Variants in CDH11 observed in about 807,000 individuals in gnomAD.
CDH11 encodes cadherin-11.
A neutral mutation model predicts 67.8 loss-of-function variants in CDH11; 11 were observed. The observed-to-expected ratio is 0.16, with a 90% CI of 0.10 to 0.27. The LOEUF is 0.27. Among genes scored for constraint, CDH11 ranks in the 10% least tolerant of loss-of-function variants. The pLI, the probability that CDH11 is intolerant of heterozygous loss-of-function variation, is 1.00. For synonymous variants in CDH11, 419 were observed against 400.0 expected, an observed-to-expected ratio of 1.05 and a Z score of -0.57; for missense variants, 847 against 1,031.2, an observed-to-expected ratio of 0.82 and a Z score of 2.45.
intron 4 of CDH11, among the ~76,000 whole-genome samples, chr16:64,997,856 T>C (rs1297069816): frequency 6.6e-6 from 1 of 152,202 alleles, no homozygotes; most frequent in Non-Finnish European, 1.5e-5. Flanking sequence ...TAAAACTCTT[T>C]TAAGCAGACT....
intron 1 of CDH11, among the ~76,000 whole-genome samples, chr16:65,099,599 T>G (rs1035684030): frequency 1.3e-5 from 2 of 152,210 alleles, no homozygotes; most frequent in Admixed American, 6.5e-5. Context: ...TCTTTGTTAC[T>G]GTCACCTAGG....
At chr16:65,043,023 A>G (rs1404943826) in intron 2 of CDH11, among the ~76,000 whole-genome samples, 1 of 152,208 alleles carries the variant, frequency 6.6e-6, no homozygotes, top group Non-Finnish European at 1.5e-5. Flanking sequence ...TTGCTACTCC[A>G]TGTAAATGCT....
intron 1 of CDH11, among the ~76,000 whole-genome samples, chr16:65,094,211 A>C (rs2074844195): frequency 6.6e-6 from 1 of 152,220 alleles, no homozygotes. Context: ...CTTCATTCTA[A>C]AGCACACCAT....
chr16:64,985,369 CT>C (rs2072459663), intron 7 of CDH11: 1 of 151,956 alleles, frequency 6.6e-6, no homozygotes, highest in Non-Finnish European at 1.5e-5. Context: ...TTTGTAACAT[CT>C]CCCTTGAATT....
chr16:64,973,779 G>A (rs1031408466), intron 8 of CDH11, among the ~76,000 whole-genome samples: 1 of 152,076 alleles, frequency 6.6e-6, no homozygotes, highest in South Asian at 2.1e-4. Flanking sequence ...GCACTCCAGC[G>A]TGGGTGACAG....
rs569666589 is a variant in CDH11, at chr16:65,016,386, G to A, written c.-172-11345C>T. On this transcript the variant is annotated intron_variant, in intron 2 of 12. Coordinates refer to ENST00000268603, the MANE Select transcript of CDH11 (RefSeq NM_001797.4). ...ATACAGCAAACTAGTCAAGTGCTTA[G>A]TACAAACGCAGAGCATTTTCTGAAG... Among the ~76,000 whole-genome samples, 87 of 152,256 alleles carry A rather than the reference G, an allele frequency of 5.7e-4. 1 individual carries two copies. Among genetic ancestry groups the A allele is most frequent in the Admixed American group, 2.0e-3 (30 of 15,290 alleles).
chr16:64,985,241 CAA>C (rs2072456448), intron 7 of CDH11: 1 of 152,124 alleles, frequency 6.6e-6, no homozygotes, highest in Non-Finnish European at 1.5e-5. Flanking sequence ...AGTCAGAACT[CAA>C]GAGGTATTTA....
intron 1 of CDH11, among the ~76,000 whole-genome samples, chr16:65,070,509 A>G (rs192992792): frequency 6.6e-6 from 1 of 152,196 alleles, no homozygotes; most frequent in African/African-American, 2.4e-5. Flanking sequence ...TCTAATGACA[A>G]ACTCACAGCA....
intron 2 of CDH11, among the ~76,000 whole-genome samples, chr16:65,036,088 T>C (rs570004423): frequency 5.3e-5 from 8 of 152,310 alleles, no homozygotes; most frequent in Non-Finnish European, 7.4e-5. Flanking sequence ...ACATACTTTC[T>C]TTTATTAATT....
At chr16:65,013,459 C>T (rs1013515823) in intron 2 of CDH11, among the ~76,000 whole-genome samples, 4 of 152,004 alleles carry the variant, frequency 2.6e-5, no homozygotes, top group African/African-American at 9.7e-5. Flanking sequence ...AAGGTTAGAG[C>T]TCAAGAGTTA....
chr16:65,020,510 T>G lies in CDH11; in HGVS notation c.-172-15469A>C, dbSNP rs2073401555. On this transcript the variant is annotated intron_variant, in intron 2 of 12. Transcript: ENST00000268603. Reference sequence around the variant, plus strand: ...ACACCCAGCTAATTTTTTGTATTTTTAATAGATATGGGGTTTCACCATGTT... The same window carrying G: ...ACACCCAGCTAATTTTTTGTATTTTGAATAGATATGGGGTTTCACCATGTT... Among the ~76,000 whole-genome samples the G allele has an allele frequency of 2.0e-5, 3 of 152,120 alleles. No homozygotes were observed. The South Asian group carries it at 6.2e-4, about 32-fold the overall frequency.
In CDH11 at chr16:65,121,175, G is replaced by T. The variant is rs562970894; in HGVS notation, c.-298+705C>A. On this transcript the variant is annotated intron_variant, in intron 1 of 12. Coordinates refer to ENST00000268603, the MANE Select transcript of CDH11 (RefSeq NM_001797.4). This position sits in a 1 kb window ranked among gnomAD's most constrained non-coding sequence, Gnocchi z 4.1. ...GGGCCGCTCATGGACCTACTCCTGC[G>T]CTGGTGGGAGCTTACAAACGGGCGC... 5.0e-3 allele frequency among the ~76,000 whole-genome samples: 768 copies of T among 152,324 alleles called. No individual in the cohort carries two copies. Among genetic ancestry groups the T allele is most frequent in the Non-Finnish European group, 7.6e-3 (519 of 68,026 alleles).
chr16:65,045,429 GC>G (rs1319045884), intron 2 of CDH11, among the ~76,000 whole-genome samples: 1 of 144,472 alleles, frequency 6.9e-6, no homozygotes, highest in Non-Finnish European at 1.5e-5. Context: ...CTGTAAAAGA[GC>G]CCCTAGAAAA....
intron 1 of CDH11, among the ~76,000 whole-genome samples, chr16:65,057,510 G>C (rs1243039994): frequency 2.6e-5 from 4 of 152,196 alleles, no homozygotes. Context: ...AGTGTATAAA[G>C]TGGAATGAAG....
chr16:65,074,432 C>T (rs1200710126), intron 1 of CDH11, among the ~76,000 whole-genome samples: 2 of 152,168 alleles, frequency 1.3e-5, no homozygotes, highest in African/African-American at 4.8e-5. Context: ...CTTCTCTGAA[C>T]CTCAGTTTCT....
intron 2 of CDH11, among the ~76,000 whole-genome samples, chr16:65,046,634 C>T (rs1231294395): frequency 6.6e-6 from 1 of 152,174 alleles, no homozygotes; most frequent in Admixed American, 6.5e-5. Flanking sequence ...AAAATTGTTG[C>T]ATAGAACATG....
chr16:65,047,904 C>T (rs953894280), intron 2 of CDH11, among the ~76,000 whole-genome samples: 2 of 152,134 alleles, frequency 1.3e-5, no homozygotes, highest in African/African-American at 4.8e-5. Context: ...CGCCTGATTT[C>T]CTCCAGCAGA....
At position 65,122,030 on chromosome 16, in the gene CDH11, C is replaced by T; in HGVS notation, c.-448G>A. Reference sequence around the variant, plus strand: ...CCCGCGGCATCTGCTCCTCGGCCCGCGACGCTCCCCTCAGCTGGCGGCGGC... The same window carrying T: ...CCCGCGGCATCTGCTCCTCGGCCCGTGACGCTCCCCTCAGCTGGCGGCGGC... On this transcript the variant is annotated 5_prime_UTR_variant, in exon 1 of 13. Coordinates refer to ENST00000268603, the MANE Select transcript of CDH11 (RefSeq NM_001797.4). 1.4e-6 allele frequency: 1 copy of T among 692,192 alleles called. No individual in the cohort carries two copies. Among genetic ancestry groups the T allele is most frequent in the Non-Finnish European group, 2.6e-6 (1 of 380,650 alleles). 42.9% of individuals were successfully genotyped at this position (692,192 alleles called of 1,614,324 possible). A position where few individuals can be genotyped will look rare whatever the true frequency, so the allele number is the denominator to read the frequency against.
intron 11 of CDH11, among the ~76,000 whole-genome samples, chr16:64,953,628 T>C (rs950527485): frequency 2.0e-5 from 3 of 152,196 alleles, no homozygotes; most frequent in African/African-American, 7.2e-5. Context: ...GACTAGGCTT[T>C]ACACACCATT....
Sources: gnomAD v4.1 joint callset for allele counts (sites outside exome capture counted in the v4.1 genomes callset) on GRCh38, gnomAD v4.1.1 for gene constraint, Gnocchi (gnomAD v3.1) non-coding constraint, MANE v1.5 for transcripts, NCBI Gene and HGNC (gene_info 2026-07-23, HGNC 2026-07-21) for gene names.